Variants in RNLS observed in about 807,000 individuals in gnomAD.
RNLS encodes renalase, FAD dependent amine oxidase.
Under a neutral mutation model 39.8 loss-of-function variants are expected in RNLS, and 39 were observed. The ratio of observed to expected loss-of-function variants is 0.98; its 90% confidence interval spans 0.76 to 1.28. The LOEUF is 1.28. Among genes scored for constraint, RNLS ranks in the 50% most tolerant of loss-of-function variants. RNLS has a pLI of 0.00. For missense variants in RNLS, 410 were observed against 413.3 expected (o/e 0.99, Z 0.07); for synonymous variants, 147 against 150.7 (o/e 0.98, Z 0.18).
chr10:88,254,598 A>G, the RNLS span, among the ~76,000 whole-genome samples: 2 of 152,190 alleles, frequency 1.3e-5, no homozygotes, highest in African/African-American at 2.4e-5. Flanking sequence ...TTTTTGCTTA[A>G]GCCAGCTTTG....
the RNLS span, among the ~76,000 whole-genome samples, chr10:88,181,015 C>T: frequency 6.6e-6 from 1 of 152,092 alleles, no homozygotes; most frequent in South Asian, 2.1e-4. Context: ...ATCAACATGC[C>T]CTAATCCCTG....
chr10:88,475,483 G>T (rs1843761831), intron 4 of RNLS, among the ~76,000 whole-genome samples: 1 of 152,142 alleles, frequency 6.6e-6, no homozygotes, highest in Non-Finnish European at 1.5e-5. Context: ...CATTTTCAAT[G>T]ATCTTTTTAA....
chr10:88,219,294 T>C, the RNLS span, among the ~76,000 whole-genome samples: 11 of 152,356 alleles, frequency 7.2e-5, no homozygotes, highest in South Asian at 1.2e-3. Context: ...CAAGTCTAAA[T>C]ATGATCTATT....
intron 6 of RNLS, among the ~76,000 whole-genome samples, chr10:88,308,858 T>C (rs1186515886): frequency 6.6e-6 from 1 of 152,144 alleles, no homozygotes; most frequent in Non-Finnish European, 1.5e-5. Context: ...AGCAAATACA[T>C]AGAATGAACC....
At chr10:88,577,483 G>T (rs993944218) in intron 3 of RNLS, among the ~76,000 whole-genome samples, 1 of 152,136 alleles carries the variant, frequency 6.6e-6, no homozygotes, top group Non-Finnish European at 1.5e-5. Flanking sequence ...TTAACAAATA[G>T]GGATGATGAT....
chr10:88,398,362 C>T (rs1157368455), intron 4 of RNLS, among the ~76,000 whole-genome samples: 1 of 151,926 alleles, frequency 6.6e-6, no homozygotes, highest in Non-Finnish European at 1.5e-5. Context: ...TGTATGGTAC[C>T]TGGCCTTAGG....
At chr10:88,484,319 A>G (rs1844369384) in intron 4 of RNLS, among the ~76,000 whole-genome samples, 1 of 152,036 alleles carries the variant, frequency 6.6e-6, no homozygotes, top group Admixed American at 6.6e-5. Flanking sequence ...AATGTACTTC[A>G]CATATGTTCT....
At chr10:88,394,844 C>A (rs1418246647) in intron 4 of RNLS, among the ~76,000 whole-genome samples, 1 of 152,156 alleles carries the variant, frequency 6.6e-6, no homozygotes, top group East Asian at 1.9e-4. Flanking sequence ...CACATAAACA[C>A]CATGGAATAC....
the RNLS span, among the ~76,000 whole-genome samples, chr10:88,187,370 A>C: frequency 2.0e-4 from 31 of 151,902 alleles, 1 homozygote; most frequent in East Asian, 5.8e-3. Context: ...ATCGAGAATT[A>C]ACCTCCAACT....
intron 5 of RNLS, among the ~76,000 whole-genome samples, chr10:88,331,636 TGAGGA>T (rs1847118535): frequency 6.6e-6 from 1 of 152,100 alleles, no homozygotes; most frequent in Non-Finnish European, 1.5e-5. Context: ...CAGATTCACA[TGAGGA>T]GAGAAGTTGG....
At chr10:88,549,885 A>C (rs935990793) in intron 4 of RNLS, among the ~76,000 whole-genome samples, 1 of 152,348 alleles carries the variant, frequency 6.6e-6, no homozygotes, top group African/African-American at 2.4e-5. Flanking sequence ...ATATTATTAG[A>C]TTTAAAACAA....
chr10:88,580,607 TA>T (rs945004495), intron 3 of RNLS, among the ~76,000 whole-genome samples: 2 of 152,176 alleles, frequency 1.3e-5, no homozygotes, highest in African/African-American at 4.8e-5. Context: ...TTTTCTTTTT[TA>T]AAAGGTCCAT....
intron 3 of RNLS, among the ~76,000 whole-genome samples, chr10:88,576,942 C>T (rs1212942274): frequency 6.6e-6 from 1 of 152,134 alleles, no homozygotes; most frequent in Non-Finnish European, 1.5e-5. Context: ...ACAGCCCTCC[C>T]TATTGGTAGG....
chr10:88,221,261 C>T, the RNLS span, among the ~76,000 whole-genome samples: 1 of 152,200 alleles, frequency 6.6e-6, no homozygotes, highest in Non-Finnish European at 1.5e-5. Context: ...AGCCATCATT[C>T]CTTCAAATGC....
chr10:88,571,153 AT>A (rs60884134), intron 4 of RNLS, among the ~76,000 whole-genome samples: 2 of 149,358 alleles, frequency 1.3e-5, no homozygotes, highest in African/African-American at 4.9e-5. Flanking sequence ...TTGCTACTTT[AT>A]TTTTTTTTGT....
At chr10:88,338,164 C>T (rs966952036) in intron 5 of RNLS, among the ~76,000 whole-genome samples, 1 of 152,152 alleles carries the variant, frequency 6.6e-6, no homozygotes, top group African/African-American at 2.4e-5. Flanking sequence ...CCAACCACTC[C>T]TTGATTTTTC....
intron 4 of RNLS, among the ~76,000 whole-genome samples, chr10:88,474,145 G>A (rs981181660): frequency 3.3e-5 from 5 of 151,928 alleles, no homozygotes; most frequent in African/African-American, 9.7e-5. Flanking sequence ...GGTAATTGTG[G>A]GAGCAAATCA....
At chr10:88,188,601 T>G in the RNLS span, among the ~76,000 whole-genome samples, 1 of 152,222 alleles carries the variant, frequency 6.6e-6, no homozygotes, top group Admixed American at 6.5e-5. Context: ...GTCTAGACAA[T>G]GCAACCAGTG....
the RNLS span, among the ~76,000 whole-genome samples, chr10:88,236,546 A>G: frequency 6.6e-6 from 1 of 152,242 alleles, no homozygotes; most frequent in East Asian, 1.9e-4. Flanking sequence ...GTTGCTCAAC[A>G]CAAGTGCTAG....
Sources: allele counts gnomAD v4.1 joint callset (sites outside exome capture counted in the v4.1 genomes callset), GRCh38; gene constraint gnomAD v4.1.1; transcripts MANE v1.5; gene names NCBI Gene and HGNC (gene_info 2026-07-23, HGNC 2026-07-21).